The following TAF3 variants were observed in gnomAD, a reference collection of about 807,000 sequenced individuals.
The protein encoded by TAF3 is transcription initiation factor TFIID subunit 3.
In TAF3, 7 loss-of-function variants were observed where a neutral mutation model predicts 80.6. The observed-to-expected ratio is 0.09, with a 90% confidence interval of 0.05 to 0.16. TAF3 has a LOEUF of 0.16. TAF3 is among the 10% of genes least tolerant of loss of function. The pLI, the probability that TAF3 is intolerant of heterozygous loss-of-function variation, is 1.00. For missense variants in TAF3, 921 were observed against 1,140.2 expected, an observed-to-expected ratio of 0.81 and a Z score of 2.77; for synonymous variants, 444 against 446.1, an observed-to-expected ratio of 1.00 and a Z score of 0.06.
chr10:7,979,682 G>A (rs1831706682), intron 4 of TAF3, among the ~76,000 whole-genome samples: 1 of 151,980 alleles, frequency 6.6e-6, no homozygotes, highest in Non-Finnish European at 1.5e-5. Context: ...TCCTTATAAT[G>A]AACAAAGAGA....
At chr10:7,943,849 TAGTC>T (rs1358875837) in intron 2 of TAF3, among the ~76,000 whole-genome samples, 3 of 152,338 alleles carry the variant, frequency 2.0e-5, no homozygotes, top group Admixed American at 2.0e-4. Context: ...TTACCACAGA[TAGTC>T]AGGAACTGAT....
At chr10:7,856,211 G>A (rs1165145237) in intron 2 of TAF3, among the ~76,000 whole-genome samples, 2 of 152,130 alleles carry the variant, frequency 1.3e-5, no homozygotes, top group Non-Finnish European at 2.9e-5. Context: ...TTGGCTGGGC[G>A]CAGTGGCTCA....
At chr10:7,989,714 G>A (rs1831815558) in intron 4 of TAF3, among the ~76,000 whole-genome samples, 1 of 152,132 alleles carries the variant, frequency 6.6e-6, no homozygotes, top group Admixed American at 6.5e-5. Flanking sequence ...TTCCCATGCT[G>A]AATCATAAGC....
intron 2 of TAF3, among the ~76,000 whole-genome samples, chr10:7,837,000 G>A (rs1836857899): frequency 6.6e-6 from 1 of 152,258 alleles, no homozygotes; most frequent in Non-Finnish European, 1.5e-5. Context: ...GCCAAGGCAG[G>A]AGGATCGTTT....
intron 2 of TAF3, among the ~76,000 whole-genome samples, chr10:7,885,271 CA>C (rs1837399227): frequency 1.3e-5 from 2 of 151,704 alleles, no homozygotes; most frequent in South Asian, 2.1e-4. Context: ...CACACACACA[CA>C]CCCCCACACA....
intron 2 of TAF3, among the ~76,000 whole-genome samples, chr10:7,959,624 G>T (rs1206809082): frequency 2.0e-5 from 3 of 152,016 alleles, no homozygotes; most frequent in Admixed American, 6.6e-5. Flanking sequence ...ATTAATTTTT[G>T]ATACCGTTAT....
intron 3 of TAF3, among the ~76,000 whole-genome samples, chr10:7,972,717 G>C (rs1461516451): frequency 6.6e-6 from 1 of 152,030 alleles, no homozygotes; most frequent in Non-Finnish European, 1.5e-5. Flanking sequence ...TTTTTTTATA[G>C]TAGATAATAA....
Position 7,831,838 on chromosome 10 carries a change from G to A in TAF3, c.409+7278G>A, listed in dbSNP as rs143873087. Among the ~76,000 whole-genome samples the A allele has an allele frequency of 2.3e-3, 344 of 151,782 alleles. 2 individuals carry two copies. The highest frequency in any genetic ancestry group is 7.8e-3 in the African/African-American group (323 of 41,394). Reference sequence around the variant, plus strand: ...GTTCTATGCTTGGTATAAATTATCTGTCCAGGAAACCCTGGTTTCTTGGAA... The same window carrying A: ...GTTCTATGCTTGGTATAAATTATCTATCCAGGAAACCCTGGTTTCTTGGAA... On this transcript the variant is annotated intron_variant, in intron 2 of 6. Coordinates refer to ENST00000344293, the MANE Select transcript of TAF3 (RefSeq NM_031923.4).
intron 2 of TAF3, among the ~76,000 whole-genome samples, chr10:7,873,779 G>A (rs1334598752): frequency 2.0e-5 from 3 of 152,230 alleles, no homozygotes; most frequent in Admixed American, 1.3e-4. Flanking sequence ...ATTAAAATGT[G>A]TAAGGTTGAT....
At chr10:7,881,666 T>C (rs889259051) in intron 2 of TAF3, among the ~76,000 whole-genome samples, 1 of 152,158 alleles carries the variant, frequency 6.6e-6, no homozygotes, top group South Asian at 2.1e-4. Flanking sequence ...CAATCATGCA[T>C]TTAGATGTAA....
chr10:7,879,086 T>C (rs1837336484), intron 2 of TAF3, among the ~76,000 whole-genome samples: 1 of 152,192 alleles, frequency 6.6e-6, no homozygotes, highest in Non-Finnish European at 1.5e-5. Flanking sequence ...GATATCTTTT[T>C]GAAGCTAAGA....
chr10:8,016,065 G>A lies in TAF3; in HGVS notation c.*1314G>A, dbSNP rs1231000533. ...CCACTATTTATTATATGTTATAGAT[G>A]TCTGAGAGGTAAACCAAATATTTTA... On this transcript the variant is annotated 3_prime_UTR_variant, in exon 7 of 7. Coordinates refer to ENST00000344293, the MANE Select transcript of TAF3 (RefSeq NM_031923.4). 2 of 152,004 alleles carry A rather than the reference G, an allele frequency of 1.3e-5. No homozygotes were observed. Among genetic ancestry groups the A allele is most frequent in the African/African-American group, 4.8e-5 (2 of 41,360 alleles). 9.4% of individuals were successfully genotyped at this position (152,004 alleles called of 1,614,324 possible).
At chr10:7,846,991 A>G (rs944610713) in intron 2 of TAF3, among the ~76,000 whole-genome samples, 1 of 152,190 alleles carries the variant, frequency 6.6e-6, no homozygotes, top group Non-Finnish European at 1.5e-5. Context: ...TAGTCTGCTT[A>G]TAGCTTTCAT....
chr10:8,009,400 C>G lies in TAF3; in HGVS notation c.2568+70C>G. On this transcript the variant is annotated intron_variant, in intron 5 of 6. Transcript: ENST00000344293. This position sits in a 1 kb window ranked among gnomAD's most constrained non-coding sequence, Gnocchi z 4.1. ...ATCGAGACAAGTGTGTGCTCTGAATCACTATCGAATTTCAGACGCATTTCT... is the reference window on the plus strand; with the variant it reads ...ATCGAGACAAGTGTGTGCTCTGAATGACTATCGAATTTCAGACGCATTTCT... 6.7e-7 allele frequency: 1 copy of G among 1,495,540 alleles called. No homozygotes were observed. The allele number at this position is 1,495,540 out of a possible 1,614,324, so 92.6% of individuals were successfully genotyped here.
intron 2 of TAF3, among the ~76,000 whole-genome samples, chr10:7,833,352 C>A (rs186651740): frequency 2.0e-4 from 30 of 152,300 alleles, no homozygotes; most frequent in Admixed American, 1.7e-3. Flanking sequence ...TCTCCACATC[C>A]CTGCTAACAC....
chr10:7,902,245 G>A (rs1837565107), intron 2 of TAF3, among the ~76,000 whole-genome samples: 1 of 151,926 alleles, frequency 6.6e-6, no homozygotes, highest in South Asian at 2.1e-4. Flanking sequence ...CCAACATGGA[G>A]AAACCCTGTC....
intron 2 of TAF3, among the ~76,000 whole-genome samples, chr10:7,854,500 C>T (rs916728099): frequency 6.6e-6 from 1 of 152,136 alleles, no homozygotes; most frequent in Non-Finnish European, 1.5e-5. Context: ...ACTTTCATTA[C>T]TGCAGTGAGT....
chr10:7,829,486 C>T (rs114067582), intron 2 of TAF3, among the ~76,000 whole-genome samples: 4,414 of 152,166 alleles, frequency 0.029, 90 homozygotes, highest in South Asian at 0.088. Flanking sequence ...TTGTTTTTGA[C>T]GACCTTGACA....
chr10:7,959,012 C>G (rs994553749), intron 2 of TAF3, among the ~76,000 whole-genome samples: 1 of 151,968 alleles, frequency 6.6e-6, no homozygotes, highest in Non-Finnish European at 1.5e-5. Flanking sequence ...TGGTGACGGG[C>G]GCCTGTAGTC....
Sources: gnomAD v4.1 joint callset for allele counts (sites outside exome capture counted in the v4.1 genomes callset) on GRCh38, gnomAD v4.1.1 for gene constraint, Gnocchi (gnomAD v3.1) non-coding constraint, MANE v1.5 for transcripts, NCBI Gene and HGNC (gene_info 2026-07-23, HGNC 2026-07-21) for gene names.